The following SLC24A2 variants were observed in gnomAD, a reference collection of about 807,000 sequenced individuals.
SLC24A2 encodes sodium/potassium/calcium exchanger 2.
Under a neutral mutation model 62.0 loss-of-function variants are expected in SLC24A2, and 36 were observed. The ratio of observed to expected loss-of-function variants is 0.58; its 90% confidence interval spans 0.44 to 0.77. The LOEUF is 0.77. SLC24A2 is among the 30% of genes least tolerant of loss of function. The pLI is 0.00. For missense variants in SLC24A2, 846 were observed against 817.9 expected, an observed-to-expected ratio of 1.03 and a Z score of -0.42; for synonymous variants, 358 against 294.0, an observed-to-expected ratio of 1.22 and a Z score of -2.23.
the SLC24A2 span, among the ~76,000 whole-genome samples, chr9:20,014,049 A>G: frequency 6.6e-6 from 1 of 151,950 alleles, no homozygotes; most frequent in African/African-American, 2.4e-5. Context: ...CTCTATAAAA[A>G]ATTTAAAAAT....
chr9:20,260,977 T>A, the SLC24A2 span, among the ~76,000 whole-genome samples: 2 of 149,412 alleles, frequency 1.3e-5, no homozygotes, highest in African/African-American at 4.9e-5. Context: ...TGCCTCAGCC[T>A]CTCGAGTACC....
At chr9:19,837,949 C>T in the SLC24A2 span, among the ~76,000 whole-genome samples, 2 of 151,884 alleles carry the variant, frequency 1.3e-5, no homozygotes, top group Non-Finnish European at 2.9e-5. Flanking sequence ...ACATTCCATG[C>T]TCATGGGTAG....
At chr9:20,068,057 C>CTTTTTTTTT in the SLC24A2 span, among the ~76,000 whole-genome samples, 5 of 89,742 alleles carry the variant, frequency 5.6e-5, no homozygotes, top group Admixed American at 1.3e-4. Flanking sequence ...TTTTTTGACT[C>CTTTTTTTTT]TTTTTTTTTT....
At chr9:19,955,377 G>GTTTTTTTTTTTTTTTTTTTTTTTT in the SLC24A2 span, among the ~76,000 whole-genome samples, 1 of 143,374 alleles carries the variant, frequency 7.0e-6, no homozygotes, top group Non-Finnish European at 1.5e-5. Context: ...AAATTCTCAG[G>GTTTTTTTTTTTTTTTTTTTTTTTT]TTTTTTTTTT....
chr9:20,257,237 T>C, the SLC24A2 span, among the ~76,000 whole-genome samples: 1 of 152,304 alleles, frequency 6.6e-6, no homozygotes, highest in South Asian at 2.1e-4. Context: ...CAATTAGTGA[T>C]AAATACATCA....
At chr9:20,229,828 A>G in the SLC24A2 span, among the ~76,000 whole-genome samples, 1 of 151,496 alleles carries the variant, frequency 6.6e-6, no homozygotes, top group Non-Finnish European at 1.5e-5. Context: ...GGTATGCTGC[A>G]CCCATTAACT....
chr9:19,569,648 C>T (rs927375587), intron 7 of SLC24A2, among the ~76,000 whole-genome samples: 7 of 152,118 alleles, frequency 4.6e-5, no homozygotes, highest in African/African-American at 1.4e-4. Context: ...TCTAAGACAC[C>T]GTGGCGCCAG....
At chr9:19,798,982 AT>A in the SLC24A2 span, among the ~76,000 whole-genome samples, 4 of 151,364 alleles carry the variant, frequency 2.6e-5, no homozygotes, top group African/African-American at 9.8e-5. Context: ...CTCCTCCCTC[AT>A]TTTCATCTTC....
the SLC24A2 span, among the ~76,000 whole-genome samples, chr9:20,243,966 G>A: frequency 6.6e-6 from 1 of 152,082 alleles, no homozygotes; most frequent in Non-Finnish European, 1.5e-5. Context: ...GGGAGGAGGG[G>A]GATCAGGCGG....
chr9:19,721,353 C>T (rs1380489318), intron 2 of SLC24A2, among the ~76,000 whole-genome samples: 1 of 152,002 alleles, frequency 6.6e-6, no homozygotes, highest in African/African-American at 2.4e-5. Context: ...AAATGCTGAC[C>T]CTCTGTTGAT....
chr9:19,748,151 C>T lies in SLC24A2; in HGVS notation c.930+37786G>A, dbSNP rs113707226. Among the ~76,000 whole-genome samples, 415 of 152,150 alleles carry T rather than the reference C, an allele frequency of 2.7e-3. 1 individual carries two copies. The highest frequency in any genetic ancestry group is 9.5e-3 in the African/African-American group (394 of 41,500). Reference sequence around the variant, plus strand: ...CCAGGTTATTTATTGAATTATTTACCAAAAGCAAATATCCAAAGCCATTTG... The same window carrying T: ...CCAGGTTATTTATTGAATTATTTACTAAAAGCAAATATCCAAAGCCATTTG... On this transcript the variant is annotated intron_variant, in intron 2 of 10. Coordinates refer to ENST00000341998, the MANE Select transcript of SLC24A2 (RefSeq NM_020344.4).
the SLC24A2 span, among the ~76,000 whole-genome samples, chr9:19,886,296 T>G: frequency 1.3e-5 from 2 of 152,168 alleles, no homozygotes; most frequent in South Asian, 2.1e-4. Context: ...CCTTTCTGAC[T>G]AGTGTGAGAT....
intron 2 of SLC24A2, among the ~76,000 whole-genome samples, chr9:19,757,451 T>A (rs538568452): frequency 1.3e-5 from 2 of 152,340 alleles, no homozygotes; most frequent in South Asian, 2.1e-4. Flanking sequence ...TCCTCCTTTG[T>A]CTTGCTTTAA....
chr9:20,232,533 A>G, the SLC24A2 span, among the ~76,000 whole-genome samples: 3 of 152,138 alleles, frequency 2.0e-5, no homozygotes, highest in African/African-American at 4.8e-5. Flanking sequence ...AGAGGTGTTT[A>G]TAGTATTCTC....
At chr9:19,935,953 G>A in the SLC24A2 span, among the ~76,000 whole-genome samples, 1 of 152,154 alleles carries the variant, frequency 6.6e-6, no homozygotes, top group Non-Finnish European at 1.5e-5. Flanking sequence ...TTTAATAAGT[G>A]CCTTAAAATA....
intron 8 of SLC24A2, among the ~76,000 whole-genome samples, chr9:19,541,396 C>G (rs1205681331): frequency 6.6e-6 from 1 of 151,148 alleles, no homozygotes; most frequent in Admixed American, 6.6e-5. Flanking sequence ...TGTAGATGTC[C>G]TTTCTGGTCG....
chr9:20,157,244 G>A, the SLC24A2 span, among the ~76,000 whole-genome samples: 2 of 151,024 alleles, frequency 1.3e-5, no homozygotes, highest in African/African-American at 2.4e-5. Flanking sequence ...CAAACTGGAG[G>A]ATCAATAAGA....
At chr9:19,885,264 G>A in the SLC24A2 span, among the ~76,000 whole-genome samples, 6 of 152,090 alleles carry the variant, frequency 3.9e-5, no homozygotes, top group Admixed American at 1.3e-4. Context: ...TAGGTGGGGA[G>A]GCACTTCCAT....
At chr9:20,245,872 C>T in the SLC24A2 span, among the ~76,000 whole-genome samples, 1 of 152,112 alleles carries the variant, frequency 6.6e-6, no homozygotes, top group African/African-American at 2.4e-5. Context: ...TTCAAGACTA[C>T]CCTATAATTT....
Sources: gnomAD v4.1 joint callset for allele counts (sites outside exome capture counted in the v4.1 genomes callset) on GRCh38, gnomAD v4.1.1 for gene constraint, MANE v1.5 for transcripts, NCBI Gene and HGNC (gene_info 2026-07-23, HGNC 2026-07-21) for gene names.